Variants in CDKAL1 observed in about 807,000 individuals in gnomAD.
CDKAL1 encodes threonylcarbamoyladenosine tRNA methylthiotransferase.
Under a neutral mutation model 68.2 loss-of-function variants are expected in CDKAL1, and 32 were observed. The observed-to-expected ratio is 0.47, with a 90% CI of 0.35 to 0.63. The LOEUF is 0.63. Among genes scored for constraint, CDKAL1 ranks in the 30% least tolerant of loss-of-function variants. The pLI, the probability that CDKAL1 is intolerant of heterozygous loss-of-function variation, is 0.00. For missense variants in CDKAL1, 606 were observed against 696.7 expected, an observed-to-expected ratio of 0.87 and a Z score of 1.47; for synonymous variants, 234 against 244.3, an observed-to-expected ratio of 0.96 and a Z score of 0.39.
intron 7 of CDKAL1, among the ~76,000 whole-genome samples, chr6:20,763,174 C>T (rs1242332764): frequency 2.6e-5 from 4 of 152,126 alleles, no homozygotes; most frequent in Admixed American, 2.6e-4. Context: ...GAGGATGTGA[C>T]AAGAGAGCAA....
rs572579801 is a variant in CDKAL1 at position 20,862,269 on chromosome 6, C to T, written c.742+16091C>T. ...GCCTAGCATGTAAGCCGTTATATCA[C>T]GGAGTAATAAGAGCAGCGATTCAGT... On this transcript the variant is annotated intron_variant, in intron 9 of 15. Coordinates refer to ENST00000274695, the MANE Select transcript of CDKAL1 (RefSeq NM_017774.3). 2.6e-5 allele frequency among the ~76,000 whole-genome samples: 4 copies of T among 152,284 alleles called. No individual in the cohort carries two copies. In the East Asian group the frequency reaches 5.8e-4, roughly 22 times the overall value.
chr6:20,592,777 C>T (rs989756449), intron 4 of CDKAL1, among the ~76,000 whole-genome samples: 2 of 152,064 alleles, frequency 1.3e-5, no homozygotes, highest in Non-Finnish European at 2.9e-5. Context: ...TCAGCTTTTG[C>T]CCATTCAGTT....
chr6:20,551,066 C>T (rs768899736), intron 4 of CDKAL1, among the ~76,000 whole-genome samples: 11 of 151,698 alleles, frequency 7.3e-5, no homozygotes, highest in Admixed American at 2.0e-4. Context: ...AGAGTTTCAC[C>T]GTGTTAGCCA....
intron 4 of CDKAL1, among the ~76,000 whole-genome samples, chr6:20,597,951 T>G (rs550702890): frequency 1.8e-4 from 27 of 152,352 alleles, no homozygotes; most frequent in African/African-American, 6.0e-4. Context: ...GTGGTGATCA[T>G]TAAGTTTCCA....
intron 13 of CDKAL1, among the ~76,000 whole-genome samples, chr6:21,116,523 A>G (rs1456272878): frequency 6.6e-6 from 1 of 152,188 alleles, no homozygotes; most frequent in Non-Finnish European, 1.5e-5. Flanking sequence ...AAATGGCAGC[A>G]GGGCAGGAGA....
intron 4 of CDKAL1, among the ~76,000 whole-genome samples, chr6:20,618,922 A>C (rs576902372): frequency 6.6e-6 from 1 of 151,970 alleles, no homozygotes; most frequent in Non-Finnish European, 1.5e-5. Flanking sequence ...CAAGCAGTCC[A>C]CCCTCCTTGG....
intron 8 of CDKAL1, among the ~76,000 whole-genome samples, chr6:20,813,889 A>T (rs779847793): frequency 1.2e-3 from 180 of 152,148 alleles, no homozygotes; most frequent in Middle Eastern, 6.8e-3. Flanking sequence ...TTTTCAAAAA[A>T]TTAGTTATAA....
chr6:21,016,864 C>T (rs917510949), intron 11 of CDKAL1, among the ~76,000 whole-genome samples: 1 of 152,202 alleles, frequency 6.6e-6, no homozygotes, highest in African/African-American at 2.4e-5. Flanking sequence ...GGGACATTCT[C>T]TTGAATTGTG....
chr6:20,545,594 G>A (rs1763567400), intron 2 of CDKAL1, among the ~76,000 whole-genome samples: 1 of 152,006 alleles, frequency 6.6e-6, no homozygotes, highest in South Asian at 2.1e-4. Flanking sequence ...ACACCACCAT[G>A]CCTGGCTAAT....
At position 20,749,905 on chromosome 6, in the gene CDKAL1, C is replaced by T. The variant is rs181672052; in HGVS notation, c.469-8690C>T. 2.3e-3 allele frequency among the ~76,000 whole-genome samples: 350 copies of T among 151,736 alleles called. 2 individuals carry two copies. Among genetic ancestry groups the T allele is most frequent in the Admixed American group, 6.0e-3 (92 of 15,258 alleles). ...TTTTTAAATAAAGACGGGGTCTCGC[C>T]ATGTTGTCCAGGGTGGTTTCAAACT... On this transcript the variant is annotated intron_variant, in intron 6 of 15. Transcript: ENST00000274695.
chr6:21,212,818 T>C (rs1160263205), intron 15 of CDKAL1, among the ~76,000 whole-genome samples: 1 of 152,152 alleles, frequency 6.6e-6, no homozygotes. Context: ...CCTGTCCCTC[T>C]CTCTCCTGAA....
intron 5 of CDKAL1, among the ~76,000 whole-genome samples, chr6:20,683,108 G>A (rs555187503): frequency 6.6e-6 from 1 of 152,144 alleles, no homozygotes; most frequent in Admixed American, 6.5e-5. Context: ...AACTACAGGT[G>A]CACACACTGT....
chr6:20,616,608 T>G (rs577935240), intron 4 of CDKAL1, among the ~76,000 whole-genome samples: 1 of 148,506 alleles, frequency 6.7e-6, no homozygotes, highest in African/African-American at 2.5e-5. Flanking sequence ...ATAAGAATGC[T>G]TGTGATTTTT....
intron 11 of CDKAL1, among the ~76,000 whole-genome samples, chr6:21,030,626 G>A (rs1044602242): frequency 1.3e-5 from 2 of 152,124 alleles, no homozygotes; most frequent in African/African-American, 4.8e-5. Flanking sequence ...TAACTTCAAG[G>A]TTTTGTGATG....
intron 13 of CDKAL1, among the ~76,000 whole-genome samples, chr6:21,146,161 C>T (rs908068726): frequency 3.3e-5 from 5 of 152,172 alleles, no homozygotes; most frequent in African/African-American, 9.6e-5. Flanking sequence ...AAAACATCGT[C>T]AAATACTGCA....
At chr6:20,674,580 G>T (rs1012636) in intron 5 of CDKAL1, among the ~76,000 whole-genome samples, 121,435 of 152,058 alleles carry the variant, frequency 0.8, 48,579 homozygotes, top group Middle Eastern at 0.84. Context: ...CATTTCTTTG[G>T]GTTGGGAACA....
rs556119883 is a variant in CDKAL1 at position 20,678,648 on chromosome 6, G to A, written c.371+29271G>A. Reference sequence around the variant, plus strand: ...TGTTTCTTTATACTACAGTTGTTTCGCTTAAACTTGTGGTTTCCAAGAACC... The same window carrying A: ...TGTTTCTTTATACTACAGTTGTTTCACTTAAACTTGTGGTTTCCAAGAACC... On this transcript the variant is annotated intron_variant, in intron 5 of 15. Transcript: ENST00000274695. 1.5e-4 allele frequency among the ~76,000 whole-genome samples: 23 copies of A among 152,140 alleles called. 3 individuals carry two copies. The East Asian group carries it at 2.1e-3, about 14-fold the overall frequency.
intron 11 of CDKAL1, among the ~76,000 whole-genome samples, chr6:21,009,383 T>C (rs1050652332): frequency 6.6e-6 from 1 of 152,240 alleles, no homozygotes; most frequent in African/African-American, 2.4e-5. Flanking sequence ...CAACATTCTA[T>C]AGTCAATATC....
At chr6:20,774,303 C>T (rs984668708) in intron 7 of CDKAL1, among the ~76,000 whole-genome samples, 2 of 152,214 alleles carry the variant, frequency 1.3e-5, no homozygotes, top group African/African-American at 4.8e-5. Flanking sequence ...GTGCAACCCA[C>T]TTTAGAACGT....
Sources: allele counts gnomAD v4.1 joint callset (sites outside exome capture counted in the v4.1 genomes callset), GRCh38; gene constraint gnomAD v4.1.1; transcripts MANE v1.5; gene names NCBI Gene and HGNC (gene_info 2026-07-23, HGNC 2026-07-21).